Variants in CAMKMT observed in about 807,000 individuals in gnomAD.
The protein encoded by CAMKMT is calmodulin-lysine N-methyltransferase, also known as CaM KMT.
In CAMKMT, 53 loss-of-function variants were observed where a neutral mutation model predicts 48.0. The ratio of observed to expected loss-of-function variants is 1.10; its 90% CI spans 0.89 to 1.39. CAMKMT has a LOEUF of 1.39. Among genes scored for constraint, CAMKMT ranks in the 40% most tolerant of loss-of-function variants. The pLI is 0.00. For missense variants in CAMKMT, 428 were observed against 402.7 expected (o/e 1.06, Z -0.54); for synonymous variants, 165 against 152.3 (o/e 1.08, Z -0.61).
chr2:44,534,167 G>C (rs1451056906), intron 3 of CAMKMT, among the ~76,000 whole-genome samples: 1 of 152,118 alleles, frequency 6.6e-6, no homozygotes, highest in African/African-American at 2.4e-5. Flanking sequence ...TCAGCAAGAG[G>C]ATATAACAAT....
At chr2:44,718,185 G>A (rs1050185837) in intron 7 of CAMKMT, among the ~76,000 whole-genome samples, 2 of 152,174 alleles carry the variant, frequency 1.3e-5, no homozygotes, top group African/African-American at 2.4e-5. Context: ...CACCTCTGCT[G>A]TCATAAGCAC....
intron 3 of CAMKMT, among the ~76,000 whole-genome samples, chr2:44,470,654 A>G (rs1299229891): frequency 2.0e-5 from 3 of 152,206 alleles, no homozygotes; most frequent in Non-Finnish European, 4.4e-5. Flanking sequence ...GCTATACATT[A>G]ATAAAATGAT....
chr2:44,594,720 C>G (rs1256227209), intron 3 of CAMKMT, among the ~76,000 whole-genome samples: 1 of 152,146 alleles, frequency 6.6e-6, no homozygotes, highest in Admixed American at 6.5e-5. Context: ...TAGAAGAAAA[C>G]CTAGGCAATG....
chr2:44,446,050 C>G (rs1326026363), intron 3 of CAMKMT, among the ~76,000 whole-genome samples: 1 of 151,970 alleles, frequency 6.6e-6, no homozygotes, highest in Non-Finnish European at 1.5e-5. Context: ...ATGTGACAGC[C>G]AAGTATAAAG....
intron 3 of CAMKMT, among the ~76,000 whole-genome samples, chr2:44,544,649 A>G (rs1667299620): frequency 6.6e-6 from 1 of 152,260 alleles, no homozygotes; most frequent in African/African-American, 2.4e-5. Context: ...AAGGTCTGCT[A>G]ATAGAACAAG....
intron 9 of CAMKMT, among the ~76,000 whole-genome samples, chr2:44,754,505 A>G (rs1481185705): frequency 6.6e-6 from 1 of 152,102 alleles, no homozygotes; most frequent in Admixed American, 6.6e-5. Context: ...AACCTTTCTC[A>G]TTGGTTATTT....
intron 3 of CAMKMT, among the ~76,000 whole-genome samples, chr2:44,605,846 T>C (rs1454027884): frequency 6.6e-6 from 1 of 152,158 alleles, no homozygotes; most frequent in Non-Finnish European, 1.5e-5. Context: ...AATTATTATG[T>C]TGGCATAGAA....
chr2:44,630,494 T>C (rs919075593), intron 3 of CAMKMT, among the ~76,000 whole-genome samples: 12 of 148,508 alleles, frequency 8.1e-5, no homozygotes, highest in African/African-American at 2.9e-4. Flanking sequence ...CGCAACCTAC[T>C]CATCTGACAA....
At chr2:44,718,138 C>T (rs978960741) in intron 7 of CAMKMT, among the ~76,000 whole-genome samples, 2 of 152,204 alleles carry the variant, frequency 1.3e-5, no homozygotes, top group African/African-American at 4.8e-5. Context: ...TTGCAAGAGG[C>T]TCTGACGCTG....
At chr2:44,728,218 A>C (rs2104337228) in intron 7 of CAMKMT, among the ~76,000 whole-genome samples, 1 of 152,240 alleles carries the variant, frequency 6.6e-6, no homozygotes, top group East Asian at 1.9e-4. Flanking sequence ...GATCCAGTGC[A>C]CCTGGCTGTT....
intron 3 of CAMKMT, among the ~76,000 whole-genome samples, chr2:44,576,688 G>C (rs1407822261): frequency 6.6e-6 from 1 of 152,186 alleles, no homozygotes; most frequent in Non-Finnish European, 1.5e-5. Flanking sequence ...AGATTATTCA[G>C]GTCTGAGGAG....
intron 3 of CAMKMT, among the ~76,000 whole-genome samples, chr2:44,662,120 G>C (rs1674710083): frequency 6.6e-6 from 1 of 152,278 alleles, no homozygotes; most frequent in African/African-American, 2.4e-5. Flanking sequence ...AGTACCTCAA[G>C]TGTTTGAAGA....
rs568145810 is a variant in CAMKMT at position 44,581,483 on chromosome 2, G to A, written c.377-122800G>A. 3.9e-5 allele frequency among the ~76,000 whole-genome samples: 6 copies of A among 152,270 alleles called. No homozygotes were observed. In the East Asian group the frequency reaches 1.2e-3, roughly 29 times the overall value. The stretch of plus-strand genomic sequence containing the variant: ...TATCCAGGCTGACCATTAAATATGT[G>A]TATACTGACAGATCTAAGGTTTCAT... On this transcript the variant is annotated intron_variant, in intron 3 of 10. Coordinates refer to ENST00000378494, the MANE Select transcript of CAMKMT (RefSeq NM_024766.5).
intron 3 of CAMKMT, among the ~76,000 whole-genome samples, chr2:44,510,883 C>T (rs1670511157): frequency 6.6e-6 from 1 of 152,096 alleles, no homozygotes; most frequent in South Asian, 2.1e-4. Context: ...CTGTGTTGCC[C>T]AGGCTGGAGT....
At chr2:44,756,903 C>CAT in intron 9 of CAMKMT, among the ~76,000 whole-genome samples, 2 of 152,288 alleles carry the variant, frequency 1.3e-5, no homozygotes, top group East Asian at 3.9e-4. Flanking sequence ...GCTTCAAGTT[C>CAT]ATAGTGTGGC....
chr2:44,729,713 C>G (rs1678978038), intron 7 of CAMKMT, among the ~76,000 whole-genome samples: 1 of 152,036 alleles, frequency 6.6e-6, no homozygotes, highest in African/African-American at 2.4e-5. Context: ...ATCAGGCAAG[C>G]CGCTACAGCC....
intron 3 of CAMKMT, among the ~76,000 whole-genome samples, chr2:44,660,040 A>G (rs1372415035): frequency 1.3e-5 from 2 of 152,230 alleles, no homozygotes; most frequent in Non-Finnish European, 2.9e-5. Flanking sequence ...TTTTAAAAAT[A>G]TTTACAAACT....
chr2:44,771,793 G>C (rs1310125062), intron 10 of CAMKMT, among the ~76,000 whole-genome samples: 1 of 152,072 alleles, frequency 6.6e-6, no homozygotes, highest in Non-Finnish European at 1.5e-5. Flanking sequence ...AGAGGTCAAA[G>C]TGCAGTTTGG....
At chr2:44,688,595 T>C (rs181424698) in intron 3 of CAMKMT, among the ~76,000 whole-genome samples, 5 of 152,174 alleles carry the variant, frequency 3.3e-5, no homozygotes, top group Admixed American at 2.0e-4. Flanking sequence ...AGGTTTAGAC[T>C]AAACCCCAAT....
Sources: gnomAD v4.1 joint callset for allele counts (sites outside exome capture counted in the v4.1 genomes callset) on GRCh38, gnomAD v4.1.1 for gene constraint, MANE v1.5 for transcripts, NCBI Gene and HGNC (gene_info 2026-07-23, HGNC 2026-07-21) for gene names.